THSD7B: variants seen among roughly 807,000 people sequenced by gnomAD.
The protein encoded by THSD7B is thrombospondin type-1 domain-containing protein 7B.
Under a neutral mutation model 213.6 loss-of-function variants are expected in THSD7B, and 138 were observed. That is an observed-to-expected ratio of 0.65 (90% confidence interval 0.56 to 0.74). The LOEUF (loss-of-function observed/expected upper bound fraction) is 0.74, where lower values mean the gene tolerates loss of function less well. Ranked by LOEUF, THSD7B falls within the 30% of genes least tolerant of loss-of-function variation. THSD7B has a pLI of 0.00. For missense variants in THSD7B, 1,931 were observed against 1,991.5 expected, an observed-to-expected ratio of 0.97 and a Z score of 0.58; for synonymous variants, 742 against 687.0, an observed-to-expected ratio of 1.08 and a Z score of -1.25.
chr2:137,371,497 A>G (rs1029686552), intron 12 of THSD7B, among the ~76,000 whole-genome samples: 2 of 152,184 alleles, frequency 1.3e-5, no homozygotes, highest in African/African-American at 4.8e-5. Flanking sequence ...GTATCCTTAT[A>G]TGGATGTATT....
intron 3 of THSD7B, among the ~76,000 whole-genome samples, chr2:137,074,146 C>T (rs1167233140): frequency 6.6e-6 from 1 of 150,880 alleles, no homozygotes; most frequent in Non-Finnish European, 1.5e-5. Flanking sequence ...TCCTTGTTAA[C>T]TTTCTGTCTC....
chr2:137,306,082 A>G lies in THSD7B; in HGVS notation c.2500+30056A>G, dbSNP rs548592364. 3.8e-4 allele frequency among the ~76,000 whole-genome samples: 58 copies of G among 152,252 alleles called. 1 individual carries two copies. In the South Asian group the frequency reaches 0.012, roughly 31 times the overall value. The stretch of plus-strand genomic sequence containing the variant: ...GGAAGTTGCTCTGGGTGAATCAGTG[A>G]ATGAGTGGTAGTGAACGTGAAGCCC... On this transcript the variant is annotated intron_variant, in intron 12 of 27. Coordinates refer to ENST00000409968, the MANE Select transcript of THSD7B (RefSeq NM_001316349.2).
chr2:137,639,428 T>C (rs1293510602), intron 20 of THSD7B, among the ~76,000 whole-genome samples: 2 of 152,166 alleles, frequency 1.3e-5, no homozygotes, highest in African/African-American at 4.8e-5. Flanking sequence ...GGCAGGGCCC[T>C]CATGGAAAAC....
rs554068539 is a variant in THSD7B, at chr2:137,129,823, C to T, written c.1369+14530C>T. 5.3e-5 allele frequency among the ~76,000 whole-genome samples: 8 copies of T among 152,280 alleles called. No homozygotes were observed. The South Asian group carries it at 6.2e-4, about 12-fold the overall frequency. On this transcript the variant is annotated intron_variant, in intron 5 of 27. Transcript: ENST00000409968. ...TAAGTATTTGTTACCTACATTTTGA[C>T]CATTTGCATTGTTGGGTGGCGGGGT...
chr2:137,321,697 A>T (rs1684267741), intron 12 of THSD7B, among the ~76,000 whole-genome samples: 1 of 152,220 alleles, frequency 6.6e-6, no homozygotes. Context: ...GCAATAGGAA[A>T]GTAAGACTCT....
intron 5 of THSD7B, among the ~76,000 whole-genome samples, chr2:137,133,952 G>A (rs183579764): frequency 9.5e-4 from 144 of 152,260 alleles, no homozygotes; most frequent in African/African-American, 3.3e-3. Flanking sequence ...TACCATGTTG[G>A]ACAGTGTAAC....
At chr2:137,477,892 A>G (rs1438056472) in intron 15 of THSD7B, among the ~76,000 whole-genome samples, 1 of 151,588 alleles carries the variant, frequency 6.6e-6, no homozygotes, top group Non-Finnish European at 1.5e-5. Context: ...TTCTTTCAGC[A>G]TTTTGAATAT....
At chr2:136,849,941 T>C (rs897737155) in intron 1 of THSD7B, among the ~76,000 whole-genome samples, 1 of 152,122 alleles carries the variant, frequency 6.6e-6, no homozygotes, top group Non-Finnish European at 1.5e-5. Context: ...TGGAAGTCAT[T>C]TATGTTTTTG....
intron 1 of THSD7B, among the ~76,000 whole-genome samples, chr2:136,814,556 G>T (rs567242803): frequency 1.3e-5 from 2 of 151,912 alleles, no homozygotes; most frequent in South Asian, 2.1e-4. Flanking sequence ...CTGCCACCAC[G>T]CCTGGCTAAT....
chr2:136,833,386 A>AAAAAAAG (rs397968200), intron 1 of THSD7B, among the ~76,000 whole-genome samples: 3 of 128,446 alleles, frequency 2.3e-5, no homozygotes, highest in African/African-American at 6.5e-5. Flanking sequence ...AAAAAAAAAA[A>AAAAAAAG]GAGAGAGAGA....
intron 5 of THSD7B, among the ~76,000 whole-genome samples, chr2:137,136,593 C>T (rs1399917382): frequency 6.6e-5 from 10 of 152,128 alleles, no homozygotes; most frequent in Admixed American, 6.6e-4. Flanking sequence ...TAAAGTTAAG[C>T]AGATGTGTAT....
chr2:137,454,924 A>G (rs980071508), intron 15 of THSD7B, among the ~76,000 whole-genome samples: 8 of 152,196 alleles, frequency 5.3e-5, no homozygotes, highest in Non-Finnish European at 1.5e-5. Context: ...TAACCAAATT[A>G]TAACGTTAAG....
At chr2:136,833,363 CAAAAA>C (rs10639590) in intron 1 of THSD7B, among the ~76,000 whole-genome samples, 13 of 55,476 alleles carry the variant, frequency 2.3e-4, no homozygotes, top group African/African-American at 5.6e-4. Context: ...GACTCCGTCT[CAAAAA>C]AAAAAAAAAA....
At chr2:136,937,301 C>T (rs1221939372) in intron 2 of THSD7B, among the ~76,000 whole-genome samples, 1 of 151,858 alleles carries the variant, frequency 6.6e-6, no homozygotes, top group African/African-American at 2.4e-5. Flanking sequence ...CACCTCCTTC[C>T]CTCACCTCTT....
At chr2:137,371,999 T>A (rs2104950601) in intron 12 of THSD7B, among the ~76,000 whole-genome samples, 1 of 152,328 alleles carries the variant, frequency 6.6e-6, no homozygotes, top group East Asian at 1.9e-4. Context: ...CTTCGGTTTC[T>A]GTTTCTTTTT....
chr2:136,885,075 T>A (rs1298879661), intron 2 of THSD7B, among the ~76,000 whole-genome samples: 1 of 152,182 alleles, frequency 6.6e-6, no homozygotes, highest in Admixed American at 6.5e-5. Flanking sequence ...TAGCTGTATT[T>A]TTAGGGTATG....
intron 20 of THSD7B, among the ~76,000 whole-genome samples, chr2:137,631,636 GC>G (rs1190737687): frequency 1.3e-5 from 2 of 152,106 alleles, no homozygotes; most frequent in Admixed American, 1.3e-4. Flanking sequence ...TTTGATATCT[GC>G]ATCCAATTTG....
intron 12 of THSD7B, among the ~76,000 whole-genome samples, chr2:137,380,040 T>A (rs968054463): frequency 3.3e-5 from 5 of 152,062 alleles, no homozygotes; most frequent in South Asian, 4.1e-4. Flanking sequence ...AAGCTTCAGG[T>A]GGAATATGGG....
chr2:137,157,562 C>T (rs1240756792), intron 5 of THSD7B, among the ~76,000 whole-genome samples: 3 of 152,112 alleles, frequency 2.0e-5, no homozygotes, highest in African/African-American at 7.2e-5. Flanking sequence ...CAAGGCCACC[C>T]AGAGAAGTGT....
Sources: gnomAD v4.1 joint callset for allele counts (sites outside exome capture counted in the v4.1 genomes callset) on GRCh38, gnomAD v4.1.1 for gene constraint, MANE v1.5 for transcripts, NCBI Gene and HGNC (gene_info 2026-07-23, HGNC 2026-07-21) for gene names.